Variants in GRIN2B observed in about 807,000 individuals in gnomAD.
The protein encoded by GRIN2B is glutamate receptor ionotropic, NMDA 2B.
GRIN2B carries 5 observed loss-of-function variants against 114.5 expected under a neutral mutation model. The observed-to-expected ratio is 0.04, with a 90% CI of 0.02 to 0.09. The LOEUF is 0.09. GRIN2B is among the 10% of genes least tolerant of loss of function. The pLI is 1.00. For missense variants in GRIN2B, 1,108 were observed against 1,943.5 expected, an observed-to-expected ratio of 0.57 and a Z score of 8.08; for synonymous variants, 787 against 745.1, an observed-to-expected ratio of 1.06 and a Z score of -0.92.
At chr12:13,938,730 G>A (rs1867175877) in intron 2 of GRIN2B, among the ~76,000 whole-genome samples, 1 of 152,198 alleles carries the variant, frequency 6.6e-6, no homozygotes, top group East Asian at 1.9e-4. Flanking sequence ...TAGGGAACTG[G>A]TGAGTAAAAC....
rs2192971 is a variant in GRIN2B at position 13,680,436 on chromosome 12, T to G, written c.1011-4577A>C. 1.9e-3 allele frequency among the ~76,000 whole-genome samples: 237 copies of G among 123,556 alleles called. 2 individuals carry two copies. Among genetic ancestry groups the G allele is most frequent in the Middle Eastern group, 4.0e-3 (1 of 250 alleles). 81.1% of individuals were successfully genotyped at this position (123,556 alleles called of 152,430 possible). On this transcript the variant is annotated intron_variant, in intron 4 of 13. Coordinates refer to ENST00000609686, the MANE Select transcript of GRIN2B (RefSeq NM_000834.5). ...AAATCCCCTGGAAGTCCCATCAAGG[T>G]TGTGTGTGTGTGTGTGTGTGTGTGT... is the stretch of plus-strand genomic sequence containing the variant.
chr12:13,934,188 C>G (rs7295850), intron 2 of GRIN2B, among the ~76,000 whole-genome samples: 42,594 of 152,104 alleles, frequency 0.28, 6,113 homozygotes, highest in Middle Eastern at 0.31. Context: ...AATCCTAATA[C>G]TCCTTGACAA....
At chr12:13,638,002 A>G (rs1393303526) in intron 5 of GRIN2B, among the ~76,000 whole-genome samples, 1 of 152,176 alleles carries the variant, frequency 6.6e-6, no homozygotes, top group Non-Finnish European at 1.5e-5. Context: ...AAGAAACGAG[A>G]TTAGATTTCT....
At chr12:13,584,707 TGAC>T (rs1948896019) in intron 10 of GRIN2B, among the ~76,000 whole-genome samples, 2 of 152,226 alleles carry the variant, frequency 1.3e-5, no homozygotes, top group Admixed American at 6.5e-5. Context: ...ACTTAGGACT[TGAC>T]AATGCATATG....
chr12:13,885,396 A>G (rs1379997059), intron 2 of GRIN2B, among the ~76,000 whole-genome samples: 2 of 152,208 alleles, frequency 1.3e-5, no homozygotes, highest in African/African-American at 4.8e-5. Context: ...TTGAGAGTGC[A>G]AGTATACATT....
At chr12:13,880,742 T>G (rs1866059126) in intron 2 of GRIN2B, among the ~76,000 whole-genome samples, 1 of 152,228 alleles carries the variant, frequency 6.6e-6, no homozygotes, top group Non-Finnish European at 1.5e-5. Flanking sequence ...ACACGAAAAC[T>G]TCCCTCTGCT....
intron 3 of GRIN2B, among the ~76,000 whole-genome samples, chr12:13,821,781 T>C (rs149179115): frequency 1.7e-4 from 26 of 152,328 alleles, no homozygotes; most frequent in African/African-American, 5.1e-4. Flanking sequence ...TAGTGAACTA[T>C]TGAATTCACA....
Position 13,866,232 on chromosome 12 carries a change from A to T in GRIN2B, c.-18-6T>A, listed in dbSNP as rs1429822746. The T allele has an allele frequency of 6.2e-7, 1 of 1,601,350 alleles. No individual in the cohort carries two copies. The highest frequency in any genetic ancestry group is 1.7e-5 in the Admixed American group (1 of 60,002). On this transcript the variant is annotated splice_region_variant and splice_polypyrimidine_tract_variant and intron_variant, in intron 2 of 13. Transcript: ENST00000609686. Reference sequence around the variant, plus strand: ...ATCTTCAACTCGTCGACTCCCTGCAAACACAAAGAAAGAGCATGTTAAAAT... The same window carrying T: ...ATCTTCAACTCGTCGACTCCCTGCATACACAAAGAAAGAGCATGTTAAAAT...
Position 13,571,938 on chromosome 12 carries a change from G to C in GRIN2B, c.2037C>G (p.Pro679=). ...TGGGCACGGTCCCAAAGCGGAAAGGGGGTGAGAAGTCATTAGGTCTCTGGA... is the reference window on the plus strand; with the variant it reads ...TGGGCACGGTCCCAAAGCGGAAAGGCGGTGAGAAGTCATTAGGTCTCTGGA... ...KKFQRPNDFS[P]PFRFGTVPNG... The change falls in exon 11 of 14, where the codon CCC becomes CCG. Residue 679 remains proline (P), a synonymous_variant. Coordinates refer to ENST00000609686, the MANE Select transcript of GRIN2B (RefSeq NM_000834.5). The C allele has an allele frequency of 6.2e-7, 1 of 1,614,022 alleles. No homozygotes were observed. Among genetic ancestry groups the C allele is most frequent in the Non-Finnish European group, 8.5e-7 (1 of 1,179,924 alleles).
Position 13,556,710 on chromosome 12 carries a change from G to A in GRIN2B, c.*6073C>T, listed in dbSNP as rs1805475. Reference sequence around the variant, plus strand: ...CAAAACACAGATTCTACACACCAGAGTGCCAAGGCTCTGAGGAATTCTACT... The same window carrying A: ...CAAAACACAGATTCTACACACCAGAATGCCAAGGCTCTGAGGAATTCTACT... On this transcript the variant is annotated 3_prime_UTR_variant, in exon 14 of 14. Coordinates refer to ENST00000609686, the MANE Select transcript of GRIN2B (RefSeq NM_000834.5). 44,581 of 151,968 alleles carry A rather than the reference G, an allele frequency of 0.29. 8,391 individuals are homozygous for A. The highest frequency in any genetic ancestry group is 0.51 in the Middle Eastern group (149 of 294). 9.4% of individuals were successfully genotyped at this position (151,968 alleles called of 1,614,324 possible).
At chr12:13,758,820 T>C (rs1863625260) in intron 3 of GRIN2B, among the ~76,000 whole-genome samples, 1 of 152,188 alleles carries the variant, frequency 6.6e-6, no homozygotes, top group African/African-American at 2.4e-5. Flanking sequence ...TAAACATGCA[T>C]ACTTGCCTTA....
chr12:13,807,744 G>A (rs1436640636), intron 3 of GRIN2B, among the ~76,000 whole-genome samples: 1 of 119,124 alleles, frequency 8.4e-6, no homozygotes, highest in Admixed American at 1.1e-4. Flanking sequence ...TTGTAGTCAG[G>A]CAAGTCACAG....
chr12:13,913,427 G>A (rs1041769132), intron 2 of GRIN2B, among the ~76,000 whole-genome samples: 2 of 152,146 alleles, frequency 1.3e-5, no homozygotes, highest in East Asian at 1.9e-4. Flanking sequence ...ACTATGCCAA[G>A]AGGGGTTAAA....
chr12:13,894,408 A>G (rs1866320043), intron 2 of GRIN2B, among the ~76,000 whole-genome samples: 1 of 152,158 alleles, frequency 6.6e-6, no homozygotes, highest in Non-Finnish European at 1.5e-5. Flanking sequence ...TAAAAAAATT[A>G]TGTTTACCAA....
intron 2 of GRIN2B, among the ~76,000 whole-genome samples, chr12:13,890,134 T>A (rs562970229): frequency 7.9e-5 from 12 of 152,304 alleles, no homozygotes; most frequent in African/African-American, 2.4e-4. Flanking sequence ...CTGGCCTATC[T>A]CGTTTCATGG....
intron 5 of GRIN2B, among the ~76,000 whole-genome samples, chr12:13,633,353 T>A (rs888701271): frequency 1.3e-5 from 2 of 152,218 alleles, no homozygotes; most frequent in African/African-American, 2.4e-5. Context: ...GCCTCACGCA[T>A]GCTAATGTTT....
intron 5 of GRIN2B, among the ~76,000 whole-genome samples, chr12:13,647,880 C>A (rs1949776635): frequency 6.6e-6 from 1 of 152,120 alleles, no homozygotes; most frequent in Non-Finnish European, 1.5e-5. Flanking sequence ...AATCCCGCAG[C>A]TTCTCCTCAA....
chr12:13,579,558 T>TATCA lies in GRIN2B; in HGVS notation c.2011-7598_2011-7595dup, dbSNP rs559864717. Among the ~76,000 whole-genome samples the TATCA allele has an allele frequency of 1.3e-4, 20 of 152,338 alleles. No individual in the cohort carries two copies. The East Asian group carries it at 3.5e-3, about 26-fold the overall frequency. ...AATACACTATGTTAGCTATTGTTAC[T>TATCA]ATCATTATTACTATCATCATCATTG... On this transcript the variant is annotated intron_variant, in intron 10 of 13. Transcript: ENST00000609686.
intron 3 of GRIN2B, among the ~76,000 whole-genome samples, chr12:13,801,212 G>A (rs1334084663): frequency 6.6e-6 from 1 of 152,154 alleles, no homozygotes; most frequent in Non-Finnish European, 1.5e-5. Context: ...TGATCATTAA[G>A]CGCACTATGT....
Sources: allele counts gnomAD v4.1 joint callset (sites outside exome capture counted in the v4.1 genomes callset), GRCh38; gene constraint gnomAD v4.1.1; transcripts MANE v1.5; gene names NCBI Gene and HGNC (gene_info 2026-07-23, HGNC 2026-07-21).